Variants in TENM3 observed in about 807,000 individuals in gnomAD.
The protein encoded by TENM3 is teneurin-3.
TENM3 carries 63 observed loss-of-function variants against 255.1 expected under a neutral mutation model. That is an observed-to-expected ratio of 0.25 (90% CI 0.20 to 0.30). The LOEUF is 0.30. TENM3 is among the 10% of genes least tolerant of loss of function. The pLI, the probability that TENM3 is intolerant of heterozygous loss-of-function variation, is 1.00. For missense variants in TENM3, 2,929 were observed against 3,461.1 expected, an observed-to-expected ratio of 0.85 and a Z score of 3.86; for synonymous variants, 1,306 against 1,322.3, an observed-to-expected ratio of 0.99 and a Z score of 0.27.
chr4:182,530,945 G>T (rs1026557596), intron 3 of TENM3, among the ~76,000 whole-genome samples: 1 of 152,186 alleles, frequency 6.6e-6, no homozygotes, highest in African/African-American at 2.4e-5. Flanking sequence ...CTTGGACATA[G>T]CAAGTTTAAA....
chr4:181,907,827 G>A, the TENM3 span, among the ~76,000 whole-genome samples: 1 of 152,080 alleles, frequency 6.6e-6, no homozygotes, highest in African/African-American at 2.4e-5. Context: ...AGGTACCTCC[G>A]CGTTTCAAGA....
chr4:181,616,281 CA>C, the TENM3 span, among the ~76,000 whole-genome samples: 22,856 of 83,714 alleles, frequency 0.27, 1,785 homozygotes, highest in Non-Finnish European at 0.3. Flanking sequence ...TAAAGGTTTC[CA>C]AAAAAAAAAA....
the TENM3 span, among the ~76,000 whole-genome samples, chr4:181,596,617 T>A: frequency 0.037 from 5,608 of 151,962 alleles, 323 homozygotes; most frequent in African/African-American, 0.12. Context: ...AAGAACTATT[T>A]AAAAAAAATA....
the TENM3 span, among the ~76,000 whole-genome samples, chr4:181,815,385 C>T: frequency 2.7e-5 from 4 of 145,630 alleles, no homozygotes; most frequent in African/African-American, 1.0e-4. Context: ...TTGCTTGAAA[C>T]CTGGGAGGCA....
At chr4:182,205,395 T>C (rs1754486670) in intron 1 of TENM3, among the ~76,000 whole-genome samples, 1 of 152,276 alleles carries the variant, frequency 6.6e-6, no homozygotes, top group African/African-American at 2.4e-5. Flanking sequence ...TTAGAGCTTC[T>C]CTCTGTCTTC....
rs185560063 is a variant in TENM3, at chr4:182,521,971, A to T, written c.512-78953A>T. Among the ~76,000 whole-genome samples the T allele has an allele frequency of 3.9e-5, 6 of 152,334 alleles. No individual in the cohort carries two copies. In the East Asian group the frequency reaches 9.7e-4, roughly 25 times the overall value. ...GAAAAATCATTCAGAAAAGAGACTT[A>T]TATGACGTTCTAACTCAGATTGGCT... On this transcript the variant is annotated intron_variant, in intron 3 of 27. Transcript: ENST00000511685.
chr4:182,021,255 G>A, the TENM3 span, among the ~76,000 whole-genome samples: 2 of 152,054 alleles, frequency 1.3e-5, no homozygotes, highest in Non-Finnish European at 1.5e-5. Flanking sequence ...TCTTCTTCAT[G>A]GCTGTGTAGT....
chr4:182,319,543 A>G (rs138734262), intron 1 of TENM3, among the ~76,000 whole-genome samples: 9 of 152,348 alleles, frequency 5.9e-5, no homozygotes, highest in Admixed American at 2.0e-4. Flanking sequence ...ATCTTGATGT[A>G]TTGTGGCACT....
intron 1 of TENM3, among the ~76,000 whole-genome samples, chr4:182,318,669 G>T (rs972387984): frequency 6.6e-6 from 1 of 152,164 alleles, no homozygotes; most frequent in Non-Finnish European, 1.5e-5. Flanking sequence ...GGAGTGCTAT[G>T]GTTAGTAGCT....
chr4:182,540,327 C>A, intron 3 of TENM3, among the ~76,000 whole-genome samples: 1 of 152,190 alleles, frequency 6.6e-6, no homozygotes, highest in East Asian at 1.9e-4. Context: ...CAGTGGCTCA[C>A]ACCTGTAATC....
At chr4:181,842,468 A>G in the TENM3 span, among the ~76,000 whole-genome samples, 2 of 152,210 alleles carry the variant, frequency 1.3e-5, no homozygotes, top group Non-Finnish European at 2.9e-5. Flanking sequence ...CCAATTCCCC[A>G]TATATGAGTT....
At chr4:182,450,762 G>C (rs1258542489) in intron 3 of TENM3, among the ~76,000 whole-genome samples, 1 of 152,196 alleles carries the variant, frequency 6.6e-6, no homozygotes, top group Non-Finnish European at 1.5e-5. Context: ...GGAGTCACTT[G>C]ATCTCTTATT....
chr4:182,673,420 A>G (rs1167451219), intron 7 of TENM3, among the ~76,000 whole-genome samples: 1 of 152,144 alleles, frequency 6.6e-6, no homozygotes, highest in Non-Finnish European at 1.5e-5. Flanking sequence ...TTTCTTCCTG[A>G]TTTGACTGTT....
At chr4:181,659,817 C>T in the TENM3 span, among the ~76,000 whole-genome samples, 2 of 152,210 alleles carry the variant, frequency 1.3e-5, no homozygotes, top group South Asian at 4.1e-4. Context: ...CATCATATTT[C>T]CTTTTTATCA....
the TENM3 span, among the ~76,000 whole-genome samples, chr4:181,472,147 C>T: frequency 6.6e-6 from 1 of 152,168 alleles, no homozygotes; most frequent in Non-Finnish European, 1.5e-5. Context: ...TGAGCCCCAA[C>T]AAGGCCTATA....
At chr4:182,325,407 C>A (rs917990046) in intron 2 of TENM3, among the ~76,000 whole-genome samples, 1 of 152,168 alleles carries the variant, frequency 6.6e-6, no homozygotes, top group South Asian at 2.1e-4. Flanking sequence ...TCATTTGATT[C>A]GCTAAGGAGA....
At chr4:182,424,663 T>G (rs972865733) in intron 3 of TENM3, among the ~76,000 whole-genome samples, 52 of 152,134 alleles carry the variant, frequency 3.4e-4, no homozygotes, top group African/African-American at 1.2e-3. Context: ...CGAACTAAAT[T>G]GGCCTCTTTT....
the TENM3 span, among the ~76,000 whole-genome samples, chr4:181,652,700 A>G: frequency 2.6e-5 from 4 of 152,316 alleles, no homozygotes; most frequent in South Asian, 8.3e-4. Context: ...TCCAAAACTT[A>G]AAGTACAAAA....
chr4:181,965,895 A>G, the TENM3 span, among the ~76,000 whole-genome samples: 2 of 152,162 alleles, frequency 1.3e-5, no homozygotes, highest in Admixed American at 6.5e-5. Context: ...AGATTGATCC[A>G]TGGGTTCAGG....
Sources: allele counts gnomAD v4.1 joint callset (sites outside exome capture counted in the v4.1 genomes callset), GRCh38; gene constraint gnomAD v4.1.1; transcripts MANE v1.5; gene names NCBI Gene and HGNC (gene_info 2026-07-23, HGNC 2026-07-21).